The following FANCD2 variants were observed in gnomAD, a reference collection of about 807,000 sequenced individuals.
FANCD2 encodes the protein Fanconi anemia group D2 protein.
In FANCD2, 131 loss-of-function variants were observed where a neutral mutation model predicts 192.3. That is an observed-to-expected ratio of 0.68 (90% CI 0.59 to 0.79). The LOEUF (loss-of-function observed/expected upper bound fraction) is 0.79, where lower values mean the gene tolerates loss of function less well. Ranked by LOEUF, FANCD2 falls within the 30% of genes least tolerant of loss-of-function variation. The pLI is 0.00. For synonymous variants in FANCD2, 524 were observed against 612.5 expected (o/e 0.86, Z 2.13); for missense variants, 1,508 against 1,701.6 (o/e 0.89, Z 2.00).
At position 10,094,419 on chromosome 3, in the gene FANCD2, T is replaced by C. The variant is rs34441486; in HGVS notation, c.3963+56T>C. 739 of 1,439,450 alleles carry C rather than the reference T, an allele frequency of 5.1e-4. 9 individuals are homozygous for C. The East Asian group carries it at 0.015, about 29-fold the overall frequency. The allele number at this position is 1,439,450 out of a possible 1,614,324, so 89.2% of individuals were successfully genotyped here. Reference sequence around the variant, plus strand: ...GCACTGAAGAGTTGCTCAGAAGATATGTCCTTGGTGACTCCTGGGTGGGGC... The same window carrying C: ...GCACTGAAGAGTTGCTCAGAAGATACGTCCTTGGTGACTCCTGGGTGGGGC... On this transcript the variant is annotated intron_variant, in intron 40 of 43. Transcript: ENST00000675286.
At position 10,032,837 on chromosome 3, in the gene FANCD2, A is replaced by C. The variant is rs999832070; in HGVS notation, c.70A>C (p.Arg24=). ...ESLTEDASKT[R]KQPLSKKTKK... is the part of the protein sequence containing the mutation. ...GAAAATTTTTCTATTTTCAGAAACC[A>C]GGAAGCAACCACTTTCCAAAAAGAC... Residue 24 remains arginine, a synonymous_variant, in exon 3 of 44, where the codon AGG becomes CGG. Transcript: ENST00000675286. 1 of 1,612,794 alleles carries C rather than the reference A, an allele frequency of 6.2e-7. No individual in the cohort carries two copies. The highest frequency in any genetic ancestry group is 1.3e-5 in the African/African-American group (1 of 74,992).
chr3:10,061,417 A>C (rs972313664), intron 19 of FANCD2, among the ~76,000 whole-genome samples: 2 of 152,092 alleles, frequency 1.3e-5, no homozygotes, highest in African/African-American at 4.8e-5. Context: ...AGAGTGTGCA[A>C]CTCTAGTTAA....
chr3:10,087,718 G>C (rs1694305812), intron 34 of FANCD2, among the ~76,000 whole-genome samples: 1 of 151,942 alleles, frequency 6.6e-6, no homozygotes, highest in African/African-American at 2.4e-5. Context: ...TGCGATGTTG[G>C]CTCACTGCAA....
intron 6 of FANCD2, 31 bp from the exon 7 acceptor site, chr3:10,036,256 A>G (rs376931896): frequency 1.3e-4 from 204 of 1,568,512 alleles, no homozygotes; most frequent in Non-Finnish European, 1.7e-4. Flanking sequence ...TTTTGAGATC[A>G]TCTCCTAACT....
chr3:10,094,454 T>C (rs1014489486), intron 40 of FANCD2, 91 bp downstream of exon 40: 1 of 1,085,148 alleles, frequency 9.2e-7, no homozygotes, highest in Non-Finnish European at 1.4e-6. Context: ...CTGGGAGTGT[T>C]CTACCTGGGC....
chr3:10,100,907 C>G (rs1401192732), intron 43 of FANCD2, among the ~76,000 whole-genome samples: 1 of 151,776 alleles, frequency 6.6e-6, no homozygotes, highest in Non-Finnish European at 1.5e-5. Flanking sequence ...CCGTCTCTAC[C>G]AAAATACAAA....
intron 38 of FANCD2, among the ~76,000 whole-genome samples, chr3:10,092,944 A>C (rs563368606): frequency 1.3e-5 from 2 of 152,122 alleles, no homozygotes; most frequent in South Asian, 4.2e-4. Context: ...CACCAGCCTC[A>C]GCCTCCCAAA....
chr3:10,039,633 A>G (rs2086813757), intron 8 of FANCD2, 88 bp from the exon 9 acceptor site: 11 of 1,470,860 alleles, frequency 7.5e-6, no homozygotes, highest in African/African-American at 2.8e-5. Flanking sequence ...TTATTTCTCA[A>G]ATAATTTCAG....
intron 26 of FANCD2, among the ~76,000 whole-genome samples, chr3:10,068,608 A>G (rs1394544330): frequency 6.6e-6 from 1 of 152,016 alleles, no homozygotes; most frequent in Non-Finnish European, 1.5e-5. Context: ...CTATTAAAAT[A>G]CCAATGACAT....
chr3:10,066,758 T>C lies in FANCD2; in HGVS notation c.2386-451T>C, dbSNP rs371177585. Among the ~76,000 whole-genome samples, 25 of 152,292 alleles carry C rather than the reference T, an allele frequency of 1.6e-4. No individual in the cohort carries two copies. The East Asian group carries it at 2.1e-3, about 13-fold the overall frequency. On this transcript the variant is annotated intron_variant, in intron 25 of 43. Transcript: ENST00000675286. ...TTGTTTTTTTGAGACAGAGTCTTGC[T>C]CTGTCACCCAGGCTGGAGTGCGGTG...
chr3:10,065,434 C>A lies in FANCD2; in HGVS notation c.2209C>A (p.Leu737Met). Residue 737 changes from leucine (L) to methionine (M), a missense_variant, in exon 24 of 44, where the codon CTG becomes ATG. Physicochemically the swap from Leu to Met is conservative, Grantham distance 15. Around this residue, in one of 5 missense-constraint regions of FANCD2, gnomAD observed 796 missense variants for 879.4 expected, o/e 0.91. Coordinates refer to ENST00000675286, the MANE Select transcript of FANCD2 (RefSeq NM_001018115.3). The stretch of plus-strand genomic sequence containing the variant: ...GTGCCTGGCTCCGTATTTCCGGTTA[C>A]TGAGACTTTGTGTGGAGAGACAGCA... ...PLCLAPYFRL[L>M]RLCVERQHNG... is the part of the protein sequence containing the mutation. The A allele has an allele frequency of 6.2e-7, 1 of 1,614,010 alleles. No homozygotes were observed. Among genetic ancestry groups the A allele is most frequent in the African/African-American group, 1.3e-5 (1 of 75,034 alleles).
In FANCD2 at chr3:10,035,171, A is replaced by C; in HGVS notation, c.378-2A>C. On this transcript the variant is annotated splice_acceptor_variant, in intron 5 of 43. Coordinates refer to ENST00000675286, the MANE Select transcript of FANCD2 (RefSeq NM_001018115.3). LOFTEE classifies it high-confidence loss of function. ...GAAAACAGATTTCTTTTTTTTTTACAGTATGGGTGCATCTTATTCTAAGAG... is the reference window on the plus strand; with the variant it reads ...GAAAACAGATTTCTTTTTTTTTTACCGTATGGGTGCATCTTATTCTAAGAG... 6.2e-7 allele frequency: 1 copy of C among 1,609,702 alleles called. No homozygotes were observed. Among genetic ancestry groups the C allele is most frequent in the Non-Finnish European group, 8.5e-7 (1 of 1,177,126 alleles).
intron 12 of FANCD2, 120 bp from the exon 13 acceptor site, chr3:10,043,364 T>C: frequency 2.3e-6 from 2 of 864,022 alleles, no homozygotes; most frequent in Non-Finnish European, 3.8e-6. Flanking sequence ...AGTGCAAGTT[T>C]ATTAGCCATC....
chr3:10,047,071 AT>A (rs1489831560), intron 15 of FANCD2, among the ~76,000 whole-genome samples: 2 of 152,296 alleles, frequency 1.3e-5, no homozygotes, highest in African/African-American at 4.8e-5. Flanking sequence ...TCAAAGTGGA[AT>A]TTTATAAGCT....
intron 18 of FANCD2, among the ~76,000 whole-genome samples, chr3:10,053,790 G>C (rs1341119344): frequency 6.6e-6 from 1 of 152,066 alleles, no homozygotes; most frequent in Non-Finnish European, 1.5e-5. Flanking sequence ...TTGTCTGTTA[G>C]GGTAGAGATG....
At chr3:10,096,229 G>T (rs1434196443) in intron 41 of FANCD2, 97 bp from the exon 42 acceptor site, 2 of 1,303,026 alleles carry the variant, frequency 1.5e-6, no homozygotes, top group Non-Finnish European at 2.2e-6. Context: ...ATACTGGCAG[G>T]GCTTGTGTTC....
At chr3:10,073,717 TG>T (rs576454493) in intron 28 of FANCD2, among the ~76,000 whole-genome samples, 2 of 152,224 alleles carry the variant, frequency 1.3e-5, no homozygotes, top group Non-Finnish European at 2.9e-5. Flanking sequence ...TGAAATTGCC[TG>T]GGCCACATGG....
chr3:10,064,247 C>G, intron 21 of FANCD2, 109 bp from the exon 22 acceptor site: 2 of 886,706 alleles, frequency 2.3e-6, no homozygotes, highest in Non-Finnish European at 3.8e-6. Flanking sequence ...TTATTACTTT[C>G]TTTTTAGAAA....
At chr3:10,096,295 C>T (rs1417838564) in intron 41 of FANCD2, 31 bp from the exon 42 acceptor site, 2 of 1,612,198 alleles carry the variant, frequency 1.2e-6, no homozygotes, top group Admixed American at 1.7e-5. Flanking sequence ...GATAAACTCA[C>T]AAAAGATGGA....
Sources: allele counts gnomAD v4.1 joint callset (sites outside exome capture counted in the v4.1 genomes callset), GRCh38; gene constraint gnomAD v4.1.1; regional missense constraint gnomAD v4.1.1; transcripts MANE v1.5; gene names NCBI Gene and HGNC (gene_info 2026-07-23, HGNC 2026-07-21).